FAM171A1: variants seen among roughly 807,000 people sequenced by gnomAD.
The protein encoded by FAM171A1 is protein FAM171A1.
Under a neutral mutation model 74.9 loss-of-function variants are expected in FAM171A1, and 23 were observed. The observed-to-expected ratio is 0.31, with a 90% CI of 0.22 to 0.44. FAM171A1 has a LOEUF of 0.44. FAM171A1 is among the 20% of genes least tolerant of loss of function. FAM171A1 has a pLI of 1.00. For missense variants in FAM171A1, 1,162 were observed against 1,159.2 expected (o/e 1.00, Z -0.03); for synonymous variants, 527 against 505.7 (o/e 1.04, Z -0.57).
intron 1 of FAM171A1, among the ~76,000 whole-genome samples, chr10:15,343,806 A>G (rs1835791551): frequency 7.1e-6 from 1 of 140,768 alleles, no homozygotes; most frequent in African/African-American, 2.7e-5. Flanking sequence ...AGCAAGATCC[A>G]TCTCTCAAAA....
chr10:15,279,578 G>C (rs534937077), intron 2 of FAM171A1, among the ~76,000 whole-genome samples: 3 of 152,254 alleles, frequency 2.0e-5, no homozygotes, highest in Admixed American at 1.3e-4. Context: ...GGAAAGGCAG[G>C]AAGATTTTTT....
chr10:15,334,105 C>A (rs768318337), intron 1 of FAM171A1, among the ~76,000 whole-genome samples: 1 of 152,202 alleles, frequency 6.6e-6, no homozygotes, highest in Non-Finnish European at 1.5e-5. Flanking sequence ...CAAATGAACT[C>A]GCCCAGATGT....
intron 5 of FAM171A1, 97 bp downstream of exon 5, chr10:15,248,541 CT>C: frequency 7.5e-7 from 1 of 1,334,130 alleles, no homozygotes. Context: ...CATTCACTGA[CT>C]TCAAGGAAAG....
chr10:15,326,873 C>A (rs1161354868), intron 1 of FAM171A1, among the ~76,000 whole-genome samples: 1 of 152,182 alleles, frequency 6.6e-6, no homozygotes, highest in Admixed American at 6.5e-5. Context: ...AGTGATCCAC[C>A]CACCCTGGCT....
intron 1 of FAM171A1, among the ~76,000 whole-genome samples, chr10:15,298,326 G>GTTTCAC (rs1835185166): frequency 2.6e-5 from 4 of 152,030 alleles, no homozygotes; most frequent in African/African-American, 7.3e-5. Context: ...TAGGGACAGG[G>GTTTCAC]TTTCACTGTG....
chr10:15,268,971 G>A (rs1400389325), intron 3 of FAM171A1, among the ~76,000 whole-genome samples: 4 of 152,198 alleles, frequency 2.6e-5, no homozygotes, highest in Non-Finnish European at 5.9e-5. Flanking sequence ...GGACCTGGGA[G>A]GCGGATATTG....
chr10:15,332,319 C>T lies in FAM171A1; in HGVS notation c.97+38637G>A, dbSNP rs980904432. ...CTTTTAAGCAACATTAACCAAGAAG[C>T]AATCCAGTATTTTCCTTTCTAGAAC... is the stretch of plus-strand genomic sequence containing the variant. On this transcript the variant is annotated intron_variant, in intron 1 of 7. Transcript: ENST00000378116. 2.0e-5 allele frequency among the ~76,000 whole-genome samples: 3 copies of T among 152,146 alleles called. No individual in the cohort carries two copies. In the South Asian group the frequency reaches 6.2e-4, roughly 32 times the overall value.
chr10:15,317,437 C>G (rs1421353207), intron 1 of FAM171A1, among the ~76,000 whole-genome samples: 1 of 152,032 alleles, frequency 6.6e-6, no homozygotes, highest in Non-Finnish European at 1.5e-5. Context: ...GCTCTGTTGC[C>G]CAGACTGGAG....
intron 1 of FAM171A1, among the ~76,000 whole-genome samples, chr10:15,301,848 C>T (rs1835233562): frequency 6.6e-6 from 1 of 152,156 alleles, no homozygotes; most frequent in South Asian, 2.1e-4. Context: ...CCAAGCTCAA[C>T]AGAATCTTAG....
At chr10:15,269,953 C>T (rs150354475) in intron 3 of FAM171A1, among the ~76,000 whole-genome samples, 73 of 152,320 alleles carry the variant, frequency 4.8e-4, no homozygotes, top group African/African-American at 1.4e-3. Context: ...AGGAACAGCT[C>T]CAGTCTACAG....
At chr10:15,273,836 C>G (rs1478766213) in intron 3 of FAM171A1, among the ~76,000 whole-genome samples, 3 of 152,144 alleles carry the variant, frequency 2.0e-5, no homozygotes, top group Non-Finnish European at 4.4e-5. Flanking sequence ...ATTCAACAGC[C>G]CTTCATGCTA....
At chr10:15,233,903 C>CAAAAAAAAAAAAAAA (rs915508767) in intron 5 of FAM171A1, among the ~76,000 whole-genome samples, 4 of 129,172 alleles carry the variant, frequency 3.1e-5, no homozygotes, top group East Asian at 2.3e-4. Flanking sequence ...TCCGTCTCAC[C>CAAAAAAAAAAAAAAA]AAAAAAAAAA....
intron 1 of FAM171A1, among the ~76,000 whole-genome samples, chr10:15,335,821 C>T (rs1219613750): frequency 6.6e-6 from 1 of 152,022 alleles, no homozygotes; most frequent in Non-Finnish European, 1.5e-5. Flanking sequence ...ATACTGATGC[C>T]CTGCTTTTTT....
chr10:15,345,022 T>C (rs1835803189), intron 1 of FAM171A1, among the ~76,000 whole-genome samples: 1 of 152,222 alleles, frequency 6.6e-6, no homozygotes, highest in African/African-American at 2.4e-5. Context: ...CCTTGCGTCA[T>C]ACACGCACAA....
chr10:15,230,338 T>C (rs1834189239), intron 5 of FAM171A1, among the ~76,000 whole-genome samples: 1 of 152,244 alleles, frequency 6.6e-6, no homozygotes, highest in Non-Finnish European at 1.5e-5. Flanking sequence ...GTTAATTATA[T>C]AGCAAAGTAT....
chr10:15,245,687 C>T (rs901897470), intron 5 of FAM171A1, among the ~76,000 whole-genome samples: 1 of 152,242 alleles, frequency 6.6e-6, no homozygotes. Context: ...CACTGTGCCC[C>T]CCAGACTCCC....
upstream of FAM171A1, among the ~76,000 whole-genome samples, chr10:15,373,331 T>A (rs1268407370): frequency 6.6e-6 from 1 of 152,192 alleles, no homozygotes; most frequent in Non-Finnish European, 1.5e-5. Flanking sequence ...TGGCACTCAC[T>A]GAACTGGAGC....
chr10:15,278,481 G>A (rs918140815), intron 2 of FAM171A1, among the ~76,000 whole-genome samples: 3 of 152,120 alleles, frequency 2.0e-5, no homozygotes, highest in South Asian at 2.1e-4. Context: ...CGTAACAGCC[G>A]AAAAGCGGAG....
chr10:15,304,786 G>C lies in FAM171A1; in HGVS notation c.98-20681C>G, dbSNP rs532447540. On this transcript the variant is annotated intron_variant, in intron 1 of 7. Coordinates refer to ENST00000378116, the MANE Select transcript of FAM171A1 (RefSeq NM_001010924.2). ...GAGTCTCGCTCTGTTGCCCAGGCTA[G>C]AGTGCACTGGCGCAATCTTGGCTCA... 2.0e-5 allele frequency among the ~76,000 whole-genome samples: 3 copies of C among 152,282 alleles called. No individual in the cohort carries two copies. The South Asian group carries it at 6.2e-4, about 32-fold the overall frequency.
Sources: allele counts gnomAD v4.1 joint callset (sites outside exome capture counted in the v4.1 genomes callset), GRCh38; gene constraint gnomAD v4.1.1; transcripts MANE v1.5; gene names NCBI Gene and HGNC (gene_info 2026-07-23, HGNC 2026-07-21).